The following PDZRN4 variants were observed in gnomAD, a reference collection of about 807,000 sequenced individuals.
PDZRN4 encodes PDZ domain containing ring finger 4.
A neutral mutation model predicts 99.0 loss-of-function variants in PDZRN4; 70 were observed. That is an observed-to-expected ratio of 0.71 (90% confidence interval 0.58 to 0.86). The LOEUF is 0.86. Among genes scored for constraint, PDZRN4 ranks in the 40% least tolerant of loss-of-function variants. The pLI, the probability that PDZRN4 is intolerant of heterozygous loss-of-function variation, is 0.00. For missense variants in PDZRN4, 1,474 were observed against 1,331.2 expected, an observed-to-expected ratio of 1.11 and a Z score of -1.67; for synonymous variants, 551 against 501.6, an observed-to-expected ratio of 1.10 and a Z score of -1.32.
At chr12:41,227,043 T>C (rs1844134540) in intron 3 of PDZRN4, among the ~76,000 whole-genome samples, 2 of 152,122 alleles carry the variant, frequency 1.3e-5, no homozygotes, top group Admixed American at 1.3e-4. Flanking sequence ...CTTTTCCCTA[T>C]CCAAATTGGT....
At chr12:41,227,084 A>G (rs77779788) in intron 3 of PDZRN4, among the ~76,000 whole-genome samples, 3,633 of 152,260 alleles carry the variant, frequency 0.024, 110 homozygotes, top group African/African-American at 0.071. Flanking sequence ...AAAAATACAC[A>G]TATTTAGAAT....
At chr12:41,322,037 T>A (rs1429940720) in intron 3 of PDZRN4, among the ~76,000 whole-genome samples, 1 of 152,072 alleles carries the variant, frequency 6.6e-6, no homozygotes, top group Non-Finnish European at 1.5e-5. Context: ...TCAATTTTTG[T>A]TTTGTTTTGT....
intron 3 of PDZRN4, among the ~76,000 whole-genome samples, chr12:41,371,784 G>C (rs1193116973): frequency 6.6e-6 from 1 of 152,128 alleles, no homozygotes; most frequent in African/African-American, 2.4e-5. Flanking sequence ...GAGAAGTGAG[G>C]TGTCATTGAT....
chr12:41,469,191 G>A (rs762107411), intron 3 of PDZRN4, among the ~76,000 whole-genome samples: 15 of 152,018 alleles, frequency 9.9e-5, no homozygotes, highest in Non-Finnish European at 2.2e-4. Context: ...TTCTAAGTTT[G>A]TAAGTGACAT....
At chr12:41,232,006 C>T (rs1331898913) in intron 3 of PDZRN4, among the ~76,000 whole-genome samples, 1 of 151,786 alleles carries the variant, frequency 6.6e-6, no homozygotes, top group Admixed American at 6.6e-5. Flanking sequence ...TGAAGATTTA[C>T]TTACATTAGT....
intron 3 of PDZRN4, among the ~76,000 whole-genome samples, chr12:41,274,996 A>G (rs116754639): frequency 0.015 from 2,305 of 152,250 alleles, 53 homozygotes; most frequent in African/African-American, 0.051. Flanking sequence ...TTGGTGGGTC[A>G]GTGTCGGACT....
At chr12:41,540,903 C>CGTTGTTGTTGTT (rs199757826) in intron 5 of PDZRN4, among the ~76,000 whole-genome samples, 143 of 50,296 alleles carry the variant, frequency 2.8e-3, no homozygotes, top group Non-Finnish European at 4.0e-3. Context: ...CCCTTTTCTT[C>CGTTGTTGTTGTT]GTTGTTGTTG....
chr12:41,380,451 C>CT (rs1952116379), intron 3 of PDZRN4, among the ~76,000 whole-genome samples: 1 of 151,918 alleles, frequency 6.6e-6, no homozygotes, highest in Admixed American at 6.6e-5. Flanking sequence ...GACTTGATGA[C>CT]TTTTTTGTGG....
intron 3 of PDZRN4, among the ~76,000 whole-genome samples, chr12:41,213,823 C>T (rs1288718379): frequency 6.6e-6 from 1 of 151,962 alleles, no homozygotes; most frequent in East Asian, 1.9e-4. Context: ...AGCCCAGTCT[C>T]GAGTTCAGTG....
intron 3 of PDZRN4, among the ~76,000 whole-genome samples, chr12:41,197,929 T>TTTTTTG (rs1566352722): frequency 6.9e-6 from 1 of 144,952 alleles, no homozygotes; most frequent in African/African-American, 2.5e-5. Context: ...GGTTTTTTTT[T>TTTTTTG]TTGGAGACAG....
chr12:41,462,021 T>C (rs1056973721), intron 3 of PDZRN4, among the ~76,000 whole-genome samples: 7 of 152,154 alleles, frequency 4.6e-5, no homozygotes, highest in African/African-American at 1.7e-4. Flanking sequence ...GGGTTAGACT[T>C]TGATAATAGC....
At position 41,563,143 on chromosome 12, in the gene PDZRN4, G is replaced by C. The variant is rs114825829; in HGVS notation, c.1366-405G>C. Among the ~76,000 whole-genome samples, 1,405 of 152,234 alleles carry C rather than the reference G, an allele frequency of 9.2e-3. 24 individuals carry two copies. The highest frequency in any genetic ancestry group is 0.033 in the African/African-American group (1,351 of 41,538). ...TACTGCAGCTCTCTAATTGGCTCGCGGCAAGCGTGCAGGATGACGGATTTC... is the reference window on the plus strand; with the variant it reads ...TACTGCAGCTCTCTAATTGGCTCGCCGCAAGCGTGCAGGATGACGGATTTC... On this transcript the variant is annotated intron_variant, in intron 7 of 9. Transcript: ENST00000402685.
At chr12:41,397,564 C>T (rs908332549) in intron 3 of PDZRN4, among the ~76,000 whole-genome samples, 11 of 152,094 alleles carry the variant, frequency 7.2e-5, no homozygotes, top group South Asian at 2.1e-4. Flanking sequence ...ATAGGATTGA[C>T]AAGGCAAGCT....
At chr12:41,339,522 T>A (rs1321945692) in intron 3 of PDZRN4, among the ~76,000 whole-genome samples, 2 of 152,028 alleles carry the variant, frequency 1.3e-5, no homozygotes, top group African/African-American at 4.8e-5. Flanking sequence ...GGCAAAGATT[T>A]CTTAAGTAAT....
At chr12:41,469,768 A>T (rs1357938851) in intron 3 of PDZRN4, among the ~76,000 whole-genome samples, 1 of 151,972 alleles carries the variant, frequency 6.6e-6, no homozygotes, top group African/African-American at 2.4e-5. Flanking sequence ...CGTCTCTACT[A>T]AAAATACAAA....
chr12:41,540,676 G>C (rs1166292070), intron 5 of PDZRN4, among the ~76,000 whole-genome samples: 2 of 152,134 alleles, frequency 1.3e-5, no homozygotes, highest in African/African-American at 4.8e-5. Context: ...TCAAAAATTA[G>C]TTTTTGTTAA....
intron 3 of PDZRN4, among the ~76,000 whole-genome samples, chr12:41,227,732 G>A (rs1951003509): frequency 6.6e-6 from 1 of 151,992 alleles, no homozygotes; most frequent in Admixed American, 6.6e-5. Context: ...GTGACCATGT[G>A]CATATGAGAT....
At chr12:41,469,825 G>A (rs1409442185) in intron 3 of PDZRN4, among the ~76,000 whole-genome samples, 1 of 152,162 alleles carries the variant, frequency 6.6e-6, no homozygotes, top group East Asian at 1.9e-4. Context: ...AGCTACTTGG[G>A]AGGCTGAGGC....
intron 3 of PDZRN4, among the ~76,000 whole-genome samples, chr12:41,254,036 T>C (rs199904578): frequency 7.1e-4 from 2 of 2,818 alleles, no homozygotes; most frequent in Non-Finnish European, 2.9e-3. Context: ...TGTGTGTGCG[T>C]GTGTGTGTGT....
Sources: allele counts gnomAD v4.1 joint callset (sites outside exome capture counted in the v4.1 genomes callset), GRCh38; gene constraint gnomAD v4.1.1; transcripts MANE v1.5; gene names NCBI Gene and HGNC (gene_info 2026-07-23, HGNC 2026-07-21).